The following TSC22D1 variants were observed in gnomAD, a reference collection of about 807,000 sequenced individuals.
TSC22D1 encodes TSC22 domain family protein 1.
TSC22D1 carries 9 observed loss-of-function variants against 74.2 expected under a neutral mutation model. The observed-to-expected ratio is 0.12, with a 90% confidence interval of 0.07 to 0.21. The LOEUF is 0.21. TSC22D1 is among the 10% of genes least tolerant of loss of function. The pLI is 1.00. For missense variants in TSC22D1, 1,427 were observed against 1,304.7 expected (o/e 1.09, Z -1.44); for synonymous variants, 586 against 492.5 (o/e 1.19, Z -2.51).
intron 1 of TSC22D1, among the ~76,000 whole-genome samples, chr13:44,463,778 A>C (rs1462931608): frequency 2.0e-5 from 3 of 152,250 alleles, no homozygotes; most frequent in Non-Finnish European, 4.4e-5. Context: ...AGAGTAGAAG[A>C]TTAAATCATA....
At chr13:44,520,962 C>A (rs1880285882) in intron 1 of TSC22D1, among the ~76,000 whole-genome samples, 1 of 151,994 alleles carries the variant, frequency 6.6e-6, no homozygotes, top group African/African-American at 2.4e-5. Flanking sequence ...CAAAACCATC[C>A]CAGGAGGTAG....
chr13:44,472,891 T>A (rs565436652), intron 1 of TSC22D1, among the ~76,000 whole-genome samples: 1 of 152,194 alleles, frequency 6.6e-6, no homozygotes, highest in Non-Finnish European at 1.5e-5. Context: ...TCCATTTTCA[T>A]GCTGTGGATA....
chr13:44,542,141 C>A, intron 1 of TSC22D1, among the ~76,000 whole-genome samples: 1 of 151,998 alleles, frequency 6.6e-6, no homozygotes, highest in East Asian at 1.9e-4. Flanking sequence ...CCTTTAGTTT[C>A]CTTTCCAGTC....
At chr13:44,554,080 TCTTA>T (rs975540327) in intron 1 of TSC22D1, among the ~76,000 whole-genome samples, 5 of 152,212 alleles carry the variant, frequency 3.3e-5, no homozygotes, top group African/African-American at 1.2e-4. Flanking sequence ...AAGGAATCAC[TCTTA>T]CTTAGCACAG....
chr13:44,554,113 ATTT>A (rs1396303457), intron 1 of TSC22D1, among the ~76,000 whole-genome samples: 42 of 152,208 alleles, frequency 2.8e-4, no homozygotes, highest in Admixed American at 6.5e-5. Flanking sequence ...ACAGCCATCG[ATTT>A]ACAGAACTAT....
At chr13:44,542,290 T>G (rs1192283718) in intron 1 of TSC22D1, among the ~76,000 whole-genome samples, 1 of 152,090 alleles carries the variant, frequency 6.6e-6, no homozygotes, top group Non-Finnish European at 1.5e-5. Context: ...AATTTTCATT[T>G]TTAAGTTTAC....
intron 1 of TSC22D1, among the ~76,000 whole-genome samples, chr13:44,546,529 G>A (rs1881837402): frequency 1.3e-5 from 2 of 152,120 alleles, no homozygotes; most frequent in South Asian, 4.1e-4. Context: ...TGAAGAGCAG[G>A]CCTAGATTAA....
At chr13:44,494,594 A>G (rs1320371892) in intron 1 of TSC22D1, among the ~76,000 whole-genome samples, 1 of 151,918 alleles carries the variant, frequency 6.6e-6, no homozygotes, top group Non-Finnish European at 1.5e-5. Context: ...TCACCAAACA[A>G]TTACAACCCA....
chr13:44,463,517 A>G (rs1877111256), intron 1 of TSC22D1, among the ~76,000 whole-genome samples: 1 of 152,246 alleles, frequency 6.6e-6, no homozygotes, highest in African/African-American at 2.4e-5. Flanking sequence ...GAGGTGGGTC[A>G]ATGCAAATAA....
At chr13:44,483,894 C>G (rs974648632) in intron 1 of TSC22D1, among the ~76,000 whole-genome samples, 1 of 152,112 alleles carries the variant, frequency 6.6e-6, no homozygotes, top group African/African-American at 2.4e-5. Context: ...GGCGCTAATA[C>G]AACGTATCCT....
intron 1 of TSC22D1, among the ~76,000 whole-genome samples, chr13:44,567,778 A>G (rs771160432): frequency 6.6e-6 from 1 of 152,116 alleles, no homozygotes; most frequent in Non-Finnish European, 1.5e-5. Context: ...AGAAAGACAT[A>G]ATCAACAACC....
intron 1 of TSC22D1, chr13:44,537,888 T>C: frequency 1.0e-6 from 1 of 985,156 alleles, no homozygotes; most frequent in African/African-American, 1.7e-5. Context: ...GCTGCTTCCA[T>C]ATTAATAACT....
chr13:44,491,793 TTAGGAAAACAA>T (rs1566137804), intron 1 of TSC22D1, among the ~76,000 whole-genome samples: 1 of 152,138 alleles, frequency 6.6e-6, no homozygotes, highest in Non-Finnish European at 1.5e-5. Flanking sequence ...ATATCAAATG[TTAGGAAAACAA>T]TAATCAGTGG....
In TSC22D1 at chr13:44,575,510, C is replaced by G. The variant is rs1884157295; in HGVS notation, c.565G>C (p.Val189Leu). The change falls in exon 1 of 3, where the codon GTC becomes CTC. Residue 189 changes from valine to leucine, a missense_variant. Around this residue, in one of 3 missense-constraint regions of TSC22D1, gnomAD observed 1,343 missense variants for 1,191.5 expected, o/e 1.13. Transcript: ENST00000458659. The stretch of plus-strand genomic sequence containing the variant: ...GGAAGGTGGGGCTGGTTGGGAGAGA[C>G]TGCCCCAGGTGTCTCGGCTTCCTGG... ...NFQEAETPGA[V>L]SPNQPHLPQP... 1 of 1,614,132 alleles carries G rather than the reference C, an allele frequency of 6.2e-7. No individual in the cohort carries two copies. Among genetic ancestry groups the G allele is most frequent in the Non-Finnish European group, 8.5e-7 (1 of 1,180,028 alleles).
At chr13:44,517,368 T>C (rs1461260691) in intron 1 of TSC22D1, among the ~76,000 whole-genome samples, 1 of 149,736 alleles carries the variant, frequency 6.7e-6, no homozygotes, top group African/African-American at 2.5e-5. Flanking sequence ...ACAAATGTAC[T>C]CCTTCCTCAC....
At chr13:44,509,950 C>CAAAAAAAAAAAAAAAAAAAAAG (rs1879625178) in intron 1 of TSC22D1, among the ~76,000 whole-genome samples, 67 of 51,432 alleles carry the variant, frequency 1.3e-3, no homozygotes, top group Non-Finnish European at 1.6e-3. Flanking sequence ...AGAAAATAAG[C>CAAAAAAAAAAAAAAAAAAAAAG]AAAAAAAAAA....
chr13:44,517,772 T>C (rs1478061614), intron 1 of TSC22D1, among the ~76,000 whole-genome samples: 1 of 136,086 alleles, frequency 7.3e-6, no homozygotes, highest in East Asian at 2.1e-4. Context: ...TGTATATATA[T>C]ATATACACAT....
At position 44,434,377 on chromosome 13, in the gene TSC22D1, C is replaced by CT. The variant is rs1874335828; in HGVS notation, c.*248dup. On this transcript the variant is annotated 3_prime_UTR_variant, in exon 3 of 3. Transcript: ENST00000458659. Reference sequence around the variant, plus strand: ...AACCATTTCTCAGATATCTGCCAAGCTGCATGAGGTCCCGGTATATCCATG... The same window carrying CT: ...AACCATTTCTCAGATATCTGCCAAGCTTGCATGAGGTCCCGGTATATCCATG... 8.0e-6 allele frequency: 11 copies of CT among 1,375,634 alleles called. No homozygotes were observed. The highest frequency in any genetic ancestry group is 2.6e-4 in the Middle Eastern group (1 of 3,784). The allele number at this position is 1,375,634 out of a possible 1,614,324, so 85.2% of individuals were successfully genotyped here.
chr13:44,478,549 TG>T (rs71685129), intron 1 of TSC22D1, among the ~76,000 whole-genome samples: 4 of 151,928 alleles, frequency 2.6e-5, no homozygotes, highest in South Asian at 2.1e-4. Flanking sequence ...GCTCAAAATC[TG>T]GGGGGGAAGG....
Sources: allele counts gnomAD v4.1 joint callset (sites outside exome capture counted in the v4.1 genomes callset), GRCh38; gene constraint gnomAD v4.1.1; regional missense constraint gnomAD v4.1.1; transcripts MANE v1.5; gene names NCBI Gene and HGNC (gene_info 2026-07-23, HGNC 2026-07-21).